The following GPC5 variants were observed in gnomAD, a reference collection of about 807,000 sequenced individuals.
GPC5 encodes glypican-5.
A neutral mutation model predicts 53.9 loss-of-function variants in GPC5; 47 were observed. The ratio of observed to expected loss-of-function variants is 0.87; its 90% CI spans 0.69 to 1.11. GPC5 has a LOEUF of 1.11. GPC5 is among the 50% of genes most tolerant of loss of function. The pLI, the probability that GPC5 is intolerant of heterozygous loss-of-function variation, is 0.00. For missense variants in GPC5, 748 were observed against 713.1 expected (o/e 1.05, Z -0.56); for synonymous variants, 286 against 263.3 (o/e 1.09, Z -0.84).
At chr13:91,796,007 C>A (rs2038040191) in intron 5 of GPC5, among the ~76,000 whole-genome samples, 1 of 152,122 alleles carries the variant, frequency 6.6e-6, no homozygotes, top group African/African-American at 2.4e-5. Flanking sequence ...TCCCAGAGCT[C>A]CCAAGATGGT....
rs527610271 is a variant in GPC5 at position 92,015,323 on chromosome 13, T to C, written c.1401+107266T>C. On this transcript the variant is annotated intron_variant, in intron 6 of 7. Transcript: ENST00000377067. Reference sequence around the variant, plus strand: ...TGAACACCAGTGATATGGTTCTAACTGTCTAAGGAAATAACCCTTTTTCTA... The same window carrying C: ...TGAACACCAGTGATATGGTTCTAACCGTCTAAGGAAATAACCCTTTTTCTA... 3.0e-4 allele frequency among the ~76,000 whole-genome samples: 45 copies of C among 152,340 alleles called. 1 individual carries two copies. Among genetic ancestry groups the C allele is most frequent in the South Asian group, 8.3e-4 (4 of 4,824 alleles).
chr13:92,096,654 C>T (rs2041424347), intron 6 of GPC5, among the ~76,000 whole-genome samples: 1 of 152,162 alleles, frequency 6.6e-6, no homozygotes, highest in African/African-American at 2.4e-5. Flanking sequence ...CCCTTTATTG[C>T]TGTTCCTTTC....
chr13:92,012,219 C>G (rs2040667980), intron 6 of GPC5, among the ~76,000 whole-genome samples: 1 of 152,048 alleles, frequency 6.6e-6, no homozygotes, highest in Non-Finnish European at 1.5e-5. Flanking sequence ...TTTGGCATTG[C>G]TTTTTAATAG....
chr13:91,572,063 ATG>A (rs1177720739), intron 2 of GPC5, among the ~76,000 whole-genome samples: 5 of 129,800 alleles, frequency 3.9e-5, no homozygotes, highest in African/African-American at 1.6e-4. Flanking sequence ...GTATATATAC[ATG>A]TATATACACA....
intron 2 of GPC5, among the ~76,000 whole-genome samples, chr13:91,458,904 T>C (rs1881736600): frequency 1.3e-5 from 2 of 152,102 alleles, no homozygotes; most frequent in Non-Finnish European, 2.9e-5. Context: ...ATAATGGCAT[T>C]TGCAACAACC....
chr13:91,740,044 G>A (rs544167304), intron 4 of GPC5, among the ~76,000 whole-genome samples: 1 of 146,252 alleles, frequency 6.8e-6, no homozygotes, highest in Non-Finnish European at 1.5e-5. Context: ...AGTGCTTCTT[G>A]TGGTATCTGG....
intron 7 of GPC5, among the ~76,000 whole-genome samples, chr13:92,363,476 A>G (rs933265257): frequency 6.6e-6 from 1 of 151,744 alleles, no homozygotes; most frequent in African/African-American, 2.4e-5. Flanking sequence ...TAAGGAGTAC[A>G]CAACCTAGAT....
Position 91,715,866 on chromosome 13 carries a change from T to C in GPC5, c.1021-12666T>C, listed in dbSNP as rs76528295. ...AGGGCTCACTGTAGTTTCTAACTTC[T>C]AGGCTCAAGCGATCCTCCCACCTCA... On this transcript the variant is annotated intron_variant, in intron 3 of 7. Coordinates refer to ENST00000377067, the MANE Select transcript of GPC5 (RefSeq NM_004466.6). Among the ~76,000 whole-genome samples the C allele has an allele frequency of 1.9e-3, 291 of 151,896 alleles. 1 individual carries two copies. The highest frequency in any genetic ancestry group is 6.6e-3 in the African/African-American group (272 of 41,428).
chr13:92,709,234 T>C (rs1055082840), intron 7 of GPC5, among the ~76,000 whole-genome samples: 3 of 150,182 alleles, frequency 2.0e-5, no homozygotes, highest in Non-Finnish European at 4.4e-5. Flanking sequence ...TTTTTTTGGA[T>C]TTTTAGTAGA....
intron 7 of GPC5, among the ~76,000 whole-genome samples, chr13:92,187,048 G>GT (rs2042188981): frequency 6.6e-6 from 1 of 151,850 alleles, no homozygotes; most frequent in Non-Finnish European, 1.5e-5. Context: ...GGAGGTGGAG[G>GT]TTGCAGTGAG....
chr13:92,695,475 G>C (rs1887531509), intron 7 of GPC5, among the ~76,000 whole-genome samples: 1 of 151,892 alleles, frequency 6.6e-6, no homozygotes, highest in African/African-American at 2.4e-5. Context: ...TCTCCAAAAG[G>C]TAATAGATTG....
At chr13:92,728,962 G>GA (rs1566388490) in intron 7 of GPC5, among the ~76,000 whole-genome samples, 1 of 151,360 alleles carries the variant, frequency 6.6e-6, no homozygotes, top group African/African-American at 2.4e-5. Flanking sequence ...TATCCTCTCA[G>GA]AAAAAAACTA....
chr13:92,840,950 T>G (rs976180216), intron 7 of GPC5, among the ~76,000 whole-genome samples: 5 of 152,176 alleles, frequency 3.3e-5, no homozygotes, highest in African/African-American at 1.2e-4. Context: ...TAAGCTGATT[T>G]TGTCTGTCCT....
chr13:92,678,080 G>A (rs767411845), intron 7 of GPC5, among the ~76,000 whole-genome samples: 11 of 152,018 alleles, frequency 7.2e-5, no homozygotes, highest in Non-Finnish European at 1.0e-4. Context: ...TTTTCCCCTC[G>A]AAAAATTCTT....
chr13:91,811,784 A>G (rs1458136227), intron 5 of GPC5, among the ~76,000 whole-genome samples: 1 of 152,228 alleles, frequency 6.6e-6, no homozygotes, highest in Non-Finnish European at 1.5e-5. Flanking sequence ...GTGTTAAATA[A>G]TCATAATCCA....
chr13:92,375,889 A>C (rs1029317662), intron 7 of GPC5, among the ~76,000 whole-genome samples: 6 of 152,222 alleles, frequency 3.9e-5, no homozygotes, highest in African/African-American at 1.4e-4. Context: ...TTGATTGACT[A>C]CCTGAGAAAG....
At chr13:92,026,104 G>C (rs1056724005) in intron 6 of GPC5, among the ~76,000 whole-genome samples, 1 of 152,056 alleles carries the variant, frequency 6.6e-6, no homozygotes, top group Non-Finnish European at 1.5e-5. Context: ...GGGGATCAAA[G>C]AACTAAGAAT....
At chr13:92,005,680 A>G (rs2040600092) in intron 6 of GPC5, among the ~76,000 whole-genome samples, 1 of 152,200 alleles carries the variant, frequency 6.6e-6, no homozygotes, top group African/African-American at 2.4e-5. Context: ...GAAAGCAAAA[A>G]CATTGCCTAT....
At chr13:91,568,561 G>GAA (rs565705289) in intron 2 of GPC5, among the ~76,000 whole-genome samples, 4,210 of 141,270 alleles carry the variant, frequency 0.03, 225 homozygotes, top group African/African-American at 0.1. Context: ...AGCTTTTATT[G>GAA]AAAAAAAAAA....
Sources: allele counts gnomAD v4.1 joint callset (sites outside exome capture counted in the v4.1 genomes callset), GRCh38; gene constraint gnomAD v4.1.1; transcripts MANE v1.5; gene names NCBI Gene and HGNC (gene_info 2026-07-23, HGNC 2026-07-21).